DGKB: variants seen among roughly 807,000 people sequenced by gnomAD.
DGKB encodes diacylglycerol kinase beta.
In DGKB, 67 loss-of-function variants were observed where a neutral mutation model predicts 114.3. The ratio of observed to expected loss-of-function variants is 0.59; its 90% confidence interval spans 0.48 to 0.72. The LOEUF is 0.72. Among genes scored for constraint, DGKB ranks in the 30% least tolerant of loss-of-function variants. The pLI is 0.00. For missense variants in DGKB, 907 were observed against 975.2 expected (o/e 0.93, Z 0.93); for synonymous variants, 398 against 323.1 (o/e 1.23, Z -2.49).
At chr7:14,246,960 C>T (rs765521782) in intron 23 of DGKB, among the ~76,000 whole-genome samples, 2 of 152,036 alleles carry the variant, frequency 1.3e-5, no homozygotes, top group Admixed American at 6.6e-5. Flanking sequence ...AGCTTTGTAC[C>T]CTTTTTAAAA....
At chr7:14,368,475 C>A (rs550696183) in intron 21 of DGKB, among the ~76,000 whole-genome samples, 2 of 151,916 alleles carry the variant, frequency 1.3e-5, no homozygotes, top group Admixed American at 1.3e-4. Flanking sequence ...CTAACAATAG[C>A]CAACATTAGC....
At chr7:14,241,806 CATT>C (rs1793686002) in intron 23 of DGKB, among the ~76,000 whole-genome samples, 1 of 151,880 alleles carries the variant, frequency 6.6e-6, no homozygotes, top group Non-Finnish European at 1.5e-5. Context: ...GTTTTACTAA[CATT>C]ATAACATGAC....
chr7:14,285,732 CTATG>C (rs1800770410), intron 23 of DGKB, among the ~76,000 whole-genome samples: 1 of 151,996 alleles, frequency 6.6e-6, no homozygotes, highest in Non-Finnish European at 1.5e-5. Flanking sequence ...GAAGGTACAT[CTATG>C]TATGTAGGAA....
intron 13 of DGKB, among the ~76,000 whole-genome samples, chr7:14,631,263 C>CAAAAAA (rs35088925): frequency 3.6e-4 from 35 of 98,388 alleles, no homozygotes; most frequent in Non-Finnish European, 5.5e-4. Context: ...CAGCAAGAAC[C>CAAAAAA]AAAAAAAAAA....
chr7:14,349,107 T>C (rs1287393911), intron 21 of DGKB, among the ~76,000 whole-genome samples: 1 of 152,046 alleles, frequency 6.6e-6, no homozygotes, highest in Non-Finnish European at 1.5e-5. Flanking sequence ...AAGAGAACTG[T>C]AGTTATTGCA....
intron 23 of DGKB, among the ~76,000 whole-genome samples, chr7:14,277,616 A>T (rs1214796922): frequency 6.6e-6 from 1 of 152,184 alleles, no homozygotes; most frequent in Admixed American, 6.5e-5. Flanking sequence ...TTAAGGCTGA[A>T]TAGTATTTTA....
At chr7:14,193,526 G>C (rs973119868) in intron 23 of DGKB, among the ~76,000 whole-genome samples, 1 of 152,148 alleles carries the variant, frequency 6.6e-6, no homozygotes, top group Admixed American at 6.5e-5. Flanking sequence ...CCTGACTCAT[G>C]TTATGTACAA....
At chr7:14,880,602 T>C (rs998299496) in intron 1 of DGKB, among the ~76,000 whole-genome samples, 1 of 152,208 alleles carries the variant, frequency 6.6e-6, no homozygotes, top group Admixed American at 6.5e-5. Flanking sequence ...GATTGCATCC[T>C]CATGCCATAA....
intron 20 of DGKB, among the ~76,000 whole-genome samples, chr7:14,535,820 C>T (rs1287107882): frequency 6.6e-6 from 1 of 152,044 alleles, no homozygotes; most frequent in African/African-American, 2.4e-5. Context: ...CTCTTGCCCT[C>T]GTGATCCACC....
intron 2 of DGKB, among the ~76,000 whole-genome samples, chr7:14,798,928 T>G (rs1841779827): frequency 6.6e-6 from 1 of 152,078 alleles, no homozygotes; most frequent in Non-Finnish European, 1.5e-5. Flanking sequence ...TCTAGGAAAA[T>G]AGTAAATCAA....
intron 23 of DGKB, among the ~76,000 whole-genome samples, chr7:14,239,846 A>T (rs767629517): frequency 5.3e-5 from 8 of 152,082 alleles, no homozygotes; most frequent in Non-Finnish European, 1.0e-4. Flanking sequence ...CAAACTTATT[A>T]AGACTCTATC....
chr7:14,957,065 T>C (rs1317415686), intron 1 of DGKB, among the ~76,000 whole-genome samples: 2 of 151,972 alleles, frequency 1.3e-5, no homozygotes, highest in Non-Finnish European at 2.9e-5. Flanking sequence ...GCCAACCTTT[T>C]GAGCTTTCTA....
chr7:14,862,130 CT>C (rs1377157429), intron 1 of DGKB, among the ~76,000 whole-genome samples: 4 of 151,888 alleles, frequency 2.6e-5, no homozygotes, highest in East Asian at 1.9e-4. Context: ...ATCTTATTTT[CT>C]TTCCCCCCCA....
intron 23 of DGKB, among the ~76,000 whole-genome samples, chr7:14,292,306 C>T (rs978040190): frequency 5.3e-5 from 8 of 152,008 alleles, no homozygotes; most frequent in Non-Finnish European, 8.8e-5. Flanking sequence ...TGCAAAATGG[C>T]GCTGCATGGT....
At chr7:14,706,407 C>G (rs1179057070) in intron 6 of DGKB, among the ~76,000 whole-genome samples, 1 of 147,100 alleles carries the variant, frequency 6.8e-6, no homozygotes, top group Non-Finnish European at 1.5e-5. Context: ...GACAGATCAA[C>G]GAGACAGAAA....
chr7:14,616,475 A>T (rs923497546), intron 15 of DGKB, among the ~76,000 whole-genome samples: 11 of 151,768 alleles, frequency 7.2e-5, no homozygotes, highest in Non-Finnish European at 1.5e-5. Context: ...GTAAAATTCA[A>T]TTATTCTGAA....
intron 21 of DGKB, among the ~76,000 whole-genome samples, chr7:14,357,519 C>G (rs1462273312): frequency 6.6e-6 from 1 of 152,152 alleles, no homozygotes; most frequent in Non-Finnish European, 1.5e-5. Flanking sequence ...CTCCTGAATA[C>G]AGCATACCAA....
chr7:14,174,020 A>G (rs1781380005), intron 25 of DGKB, among the ~76,000 whole-genome samples: 1 of 152,236 alleles, frequency 6.6e-6, no homozygotes, highest in South Asian at 2.1e-4. Flanking sequence ...TGTGTTAAAC[A>G]AGCTTAAATT....
intron 21 of DGKB, among the ~76,000 whole-genome samples, chr7:14,355,331 A>G: frequency 6.6e-6 from 1 of 152,184 alleles, no homozygotes. Context: ...AGGAGTGGTG[A>G]GAGAAGGCAT....
Sources: allele counts gnomAD v4.1 joint callset (sites outside exome capture counted in the v4.1 genomes callset), GRCh38; gene constraint gnomAD v4.1.1; transcripts MANE v1.5; gene names NCBI Gene and HGNC (gene_info 2026-07-23, HGNC 2026-07-21).